The following IFIH1 variants were observed in gnomAD, a reference collection of about 807,000 sequenced individuals.
IFIH1 encodes the protein interferon-induced helicase C domain-containing protein 1.
In IFIH1, 125 loss-of-function variants were observed where a neutral mutation model predicts 107.4. That is an observed-to-expected ratio of 1.16 (90% CI 1.01 to 1.35). IFIH1 has a LOEUF of 1.35. IFIH1 is among the 40% of genes most tolerant of loss of function. The pLI is 0.00. For synonymous variants in IFIH1, 458 were observed against 413.2 expected, an observed-to-expected ratio of 1.11 and a Z score of -1.31; for missense variants, 1,333 against 1,213.7, an observed-to-expected ratio of 1.10 and a Z score of -1.46.
At chr2:162,293,814 C>T (rs1683040996) in intron 3 of IFIH1, 146 bp from the exon 4 acceptor site, 6 of 543,524 alleles carry the variant, frequency 1.1e-5, no homozygotes, top group Admixed American at 3.4e-5. Context: ...AAGGTAAGCG[C>T]TTCTGGCAGG....
At chr2:162,271,118 C>G (rs573499629) in intron 13 of IFIH1, among the ~76,000 whole-genome samples, 47 of 152,224 alleles carry the variant, frequency 3.1e-4, no homozygotes, top group Non-Finnish European at 4.1e-4. Flanking sequence ...TCACTGCATT[C>G]CTTTGCACAA....
intron 12 of IFIH1, 66 bp from the exon 13 acceptor site, chr2:162,272,453 C>A: frequency 1.5e-6 from 2 of 1,364,800 alleles, no homozygotes; most frequent in Non-Finnish European, 1.0e-6. Context: ...CTGGTTTTTT[C>A]TGGGAATGAT....
chr2:162,298,073 A>T (rs2105218475), intron 3 of IFIH1, among the ~76,000 whole-genome samples: 1 of 152,318 alleles, frequency 6.6e-6, no homozygotes, highest in African/African-American at 2.4e-5. Flanking sequence ...ATAAATAAAT[A>T]AAGCAAGAGG....
chr2:162,314,440 C>CTTTCTTTCT (rs1683446531), intron 1 of IFIH1, among the ~76,000 whole-genome samples: 1 of 97,966 alleles, frequency 1.0e-5, no homozygotes, highest in Non-Finnish European at 1.8e-5. Flanking sequence ...TTCTTTCTTT[C>CTTTCTTTCT]TTTCTTTCTT....
chr2:162,278,187 G>C lies in IFIH1; in HGVS notation c.1765+18C>G, dbSNP rs1304110376. On this transcript the variant is annotated intron_variant, in intron 9 of 15. Coordinates refer to ENST00000649979, the MANE Select transcript of IFIH1 (RefSeq NM_022168.4). Reference sequence around the variant, plus strand: ...TAAACATGGGATAAACTAAGTGTTAGGTCCAAACCTAAATTACCTTTTTTT... The same window carrying C: ...TAAACATGGGATAAACTAAGTGTTACGTCCAAACCTAAATTACCTTTTTTT... The C allele has an allele frequency of 6.3e-7, 1 of 1,594,366 alleles. No homozygotes were observed. Among genetic ancestry groups the C allele is most frequent in the South Asian group, 1.2e-5 (1 of 86,894 alleles).
At position 162,277,518 on chromosome 2, in the gene IFIH1, C is replaced by G; in HGVS notation, c.1941G>C (p.Glu647Asp). 6.3e-7 allele frequency: 1 copy of G among 1,583,636 alleles called. No individual in the cohort carries two copies. Among genetic ancestry groups the G allele is most frequent in the Non-Finnish European group, 8.7e-7 (1 of 1,152,814 alleles). Residue 647 changes from glutamate (E) to aspartate (D), a missense_variant, in exon 10 of 16, where the codon GAG (glutamate) becomes GAC (aspartate). By Grantham distance (45) the Glu-to-Asp change is conservative. Coordinates refer to ENST00000649979, the MANE Select transcript of IFIH1 (RefSeq NM_022168.4). The stretch of plus-strand genomic sequence containing the variant: ...CATCACAATACTCATCATCACCACC[C>G]TCATCACTATCATCTTCTATGACTG... ...KFAVIEDDSD[E>D]GGDDEYCDGD... is the part of the protein sequence containing the mutation.
chr2:162,279,654 T>C (rs949071973), intron 8 of IFIH1, among the ~76,000 whole-genome samples: 2 of 152,038 alleles, frequency 1.3e-5, no homozygotes, highest in Non-Finnish European at 2.9e-5. Flanking sequence ...AAATCAATCC[T>C]GGAATTCACG....
chr2:162,274,203 C>T (rs760072091), intron 11 of IFIH1, among the ~76,000 whole-genome samples: 3 of 152,004 alleles, frequency 2.0e-5, no homozygotes, highest in Non-Finnish European at 4.4e-5. Context: ...ACATTTTATG[C>T]CAAGGAAATA....
chr2:162,278,101 G>T (rs1682736602), intron 9 of IFIH1, 104 bp downstream of exon 9: 5 of 917,626 alleles, frequency 5.4e-6, no homozygotes, highest in Non-Finnish European at 6.7e-6. Flanking sequence ...ATTCTATTTG[G>T]AACTACTTTT....
At chr2:162,308,419 A>G (rs1160684209) in intron 2 of IFIH1, among the ~76,000 whole-genome samples, 2 of 148,936 alleles carry the variant, frequency 1.3e-5, no homozygotes, top group Admixed American at 6.8e-5. Context: ...TTGCTCTGAC[A>G]CCCAGGCCAG....
intron 1 of IFIH1, among the ~76,000 whole-genome samples, chr2:162,316,959 GAAT>G (rs1683498926): frequency 6.6e-6 from 1 of 151,836 alleles, no homozygotes; most frequent in African/African-American, 2.4e-5. Context: ...TTCTTTCAAT[GAAT>G]TGTTTCTAAA....
chr2:162,310,853 G>A lies in IFIH1; in HGVS notation c.534C>T (p.Phe178=). ...GACGAAGAACATTCAGAAATGCAGA[G>A]AACCAGTTTTCTTTCTGCACAATCC... ...LKRIVQKENW[F]SAFLNVLRQT... Residue 178 remains phenylalanine, a synonymous_variant, in exon 2 of 16, where the codon TTC becomes TTT. Transcript: ENST00000649979. 1 of 1,612,604 alleles carries A rather than the reference G, an allele frequency of 6.2e-7. No homozygotes were observed. The highest frequency in any genetic ancestry group is 8.5e-7 in the Non-Finnish European group (1 of 1,178,724).
intron 7 of IFIH1, among the ~76,000 whole-genome samples, chr2:162,280,705 A>G (rs1187213532): frequency 6.6e-6 from 1 of 152,060 alleles, no homozygotes; most frequent in Non-Finnish European, 1.5e-5. Flanking sequence ...TACTCTACAT[A>G]ATTTGTATTG....
At chr2:162,271,497 A>C (rs1459416407) in intron 13 of IFIH1, among the ~76,000 whole-genome samples, 1 of 151,996 alleles carries the variant, frequency 6.6e-6, no homozygotes, top group Non-Finnish European at 1.5e-5. Context: ...TAAGAGAAAT[A>C]CCTAATGTAA....
rs948646167 is a variant in IFIH1, at chr2:162,268,210, T to C, written c.2684A>G (p.His895Arg). ...KMKTKRNIAK[H>R]YKNNPSLITF... ...TATTAGTGATGGGTTATTCTTGTAATGCTTGGCAATATTTCTCTTGGTTTT... is the reference window on the plus strand; with the variant it reads ...TATTAGTGATGGGTTATTCTTGTAACGCTTGGCAATATTTCTCTTGGTTTT... Residue 895 changes from histidine (H) to arginine (R), a missense_variant, in exon 14 of 16, where the codon CAT becomes CGT. Transcript: ENST00000649979. 6.2e-7 allele frequency: 1 copy of C among 1,613,098 alleles called. No homozygotes were observed. The highest frequency in any genetic ancestry group is 2.2e-5 in the East Asian group (1 of 44,838).
intron 11 of IFIH1, 119 bp from the exon 12 acceptor site, chr2:162,274,063 A>G (rs1691102288): frequency 1.6e-6 from 1 of 638,430 alleles, no homozygotes; most frequent in South Asian, 2.6e-5. Context: ...TAGATCATAC[A>G]TGGATTTGTT....
At chr2:162,290,948 A>G (rs1031247337) in intron 4 of IFIH1, among the ~76,000 whole-genome samples, 20 of 151,970 alleles carry the variant, frequency 1.3e-4, no homozygotes, top group Non-Finnish European at 2.7e-4. Context: ...AGAAGGAGAG[A>G]ACTGGGCTGG....
rs1682930814 is a variant in IFIH1 at position 162,288,199 on chromosome 2, T to C, written c.1031A>G (p.Lys344Arg). 1.9e-6 allele frequency: 3 copies of C among 1,612,700 alleles called. No individual in the cohort carries two copies. The highest frequency in any genetic ancestry group is 2.2e-5 in the South Asian group (2 of 91,070). ...GKTRVAVYIA[K>R]DHLDKKKKAS... Reference sequence around the variant, plus strand: ...TTTTTTCTTCTTGTCTAAGTGATCCTTGGCAATGTAAACAGCCACTCTGGT... The same window carrying C: ...TTTTTTCTTCTTGTCTAAGTGATCCCTGGCAATGTAAACAGCCACTCTGGT... Residue 344 changes from lysine to arginine, a missense_variant, in exon 5 of 16, where the codon AAG (lysine) becomes AGG (arginine). Lys to Arg is a conservative substitution (Grantham distance 26). Transcript: ENST00000649979.
chr2:162,289,337 A>ACC, intron 4 of IFIH1, among the ~76,000 whole-genome samples: 1 of 151,658 alleles, frequency 6.6e-6, no homozygotes, highest in Non-Finnish European at 1.5e-5. Context: ...TTTTAGATAG[A>ACC]ATATATTTTA....
Sources: gnomAD v4.1 joint callset for allele counts (sites outside exome capture counted in the v4.1 genomes callset) on GRCh38, gnomAD v4.1.1 for gene constraint, MANE v1.5 for transcripts, NCBI Gene and HGNC (gene_info 2026-07-23, HGNC 2026-07-21) for gene names.